AP1B1: variants seen among roughly 807,000 people sequenced by gnomAD.
AP1B1 encodes the protein adaptor related protein complex 1 subunit beta 1, also known as AP-1 complex subunit beta-1.
Under a neutral mutation model 104.3 loss-of-function variants are expected in AP1B1, and 36 were observed. That is an observed-to-expected ratio of 0.35 (90% CI 0.26 to 0.46). The LOEUF is 0.46. Ranked by LOEUF, AP1B1 falls within the 20% of genes least tolerant of loss-of-function variation. The pLI is 1.00. For missense variants in AP1B1, 901 were observed against 1,247.9 expected (o/e 0.72, Z 4.19); for synonymous variants, 504 against 517.5 (o/e 0.97, Z 0.35).
chr22:29,378,552 C>CAAAAAAAAAA (rs145933767), intron 1 of AP1B1, among the ~76,000 whole-genome samples: 1 of 48,484 alleles, frequency 2.1e-5, no homozygotes. Flanking sequence ...AACTCCGTAT[C>CAAAAAAAAAA]AAAAAAAAAA....
Position 29,344,110 on chromosome 22 carries a change from C to CAAAAAAAAAAA in AP1B1, c.1438-1738_1438-1728dup, listed in dbSNP as rs58337637. 7.1e-4 allele frequency among the ~76,000 whole-genome samples: 64 copies of CAAAAAAAAAAA among 89,724 alleles called. 2 individuals carry two copies. The highest frequency in any genetic ancestry group is 2.3e-3 in the African/African-American group (58 of 25,148). 58.9% of individuals were successfully genotyped at this position (89,724 alleles called of 152,430 possible). ...GGGGGACAAGGGCGAGACTTTGTCT[C>CAAAAAAAAAAA]AAAAAAAAAAAAAAAAAGTAAAGAA... On this transcript the variant is annotated intron_variant, in intron 11 of 22. Transcript: ENST00000357586.
intron 1 of AP1B1, among the ~76,000 whole-genome samples, chr22:29,373,945 C>G (rs2062288205): frequency 7.8e-6 from 1 of 127,664 alleles, no homozygotes; most frequent in Non-Finnish European, 1.6e-5. Context: ...CACCTGTAAT[C>G]CCAGCACTTT....
intron 11 of AP1B1, among the ~76,000 whole-genome samples, chr22:29,344,033 C>T (rs2061752397): frequency 6.6e-6 from 1 of 151,394 alleles, no homozygotes; most frequent in Admixed American, 6.6e-5. Flanking sequence ...TTGCTTGAAC[C>T]CGGGAGGCAG....
At chr22:29,339,166 G>A (rs368839326) in intron 15 of AP1B1, 33 bp from the exon 16 acceptor site, 83 of 1,613,436 alleles carry the variant, frequency 5.1e-5, no homozygotes, top group Non-Finnish European at 6.3e-5. Flanking sequence ...AGAGGTGGGC[G>A]TCAAGAGGCA....
At chr22:29,363,297 C>T (rs1192125615) in intron 2 of AP1B1, among the ~76,000 whole-genome samples, 191 bp from the exon 3 acceptor site, 1 of 152,128 alleles carries the variant, frequency 6.6e-6, no homozygotes, top group African/African-American at 2.4e-5. Context: ...CAGGAATTAA[C>T]AAGATGGAAA....
intron 4 of AP1B1, among the ~76,000 whole-genome samples, 193 bp from the exon 5 acceptor site, chr22:29,359,164 C>T (rs1226317712): frequency 2.6e-5 from 4 of 152,230 alleles, no homozygotes; most frequent in Admixed American, 2.0e-4. Context: ...GCTCTGCACA[C>T]CATCTCCTCT....
At chr22:29,388,290 G>A in intron 1 of AP1B1, 134 bp downstream of exon 1, 1 of 152,532 alleles carries the variant, frequency 6.6e-6, no homozygotes, top group Non-Finnish European at 1.5e-5. Flanking sequence ...TCCTCCTCTG[G>A]CTGGGGACGT....
At chr22:29,364,708 C>T (rs1238894587) in intron 2 of AP1B1, among the ~76,000 whole-genome samples, 1 of 151,100 alleles carries the variant, frequency 6.6e-6, no homozygotes, top group African/African-American at 2.4e-5. Flanking sequence ...GCCACCACGC[C>T]CGGCCATTTT....
At chr22:29,329,782 T>C (rs1352216408) in intron 21 of AP1B1, 62 bp from the exon 22 acceptor site, 1 of 1,609,164 alleles carries the variant, frequency 6.2e-7, no homozygotes, top group Non-Finnish European at 8.5e-7. Flanking sequence ...GAGACGGAAG[T>C]TACCACCACC....
At chr22:29,379,838 C>T (rs370062693) in intron 1 of AP1B1, among the ~76,000 whole-genome samples, 1 of 152,216 alleles carries the variant, frequency 6.6e-6, no homozygotes, top group Non-Finnish European at 1.5e-5. Flanking sequence ...TAAATCAACA[C>T]TAGCTGGGGA....
At chr22:29,333,433 C>A (rs2061591278) in intron 17 of AP1B1, among the ~76,000 whole-genome samples, 1 of 152,200 alleles carries the variant, frequency 6.6e-6, no homozygotes, top group African/African-American at 2.4e-5. Flanking sequence ...CACTCCCCAC[C>A]AGCCTTCTGA....
At chr22:29,363,416 G>A (rs1372480870) in intron 2 of AP1B1, among the ~76,000 whole-genome samples, 3 of 152,278 alleles carry the variant, frequency 2.0e-5, no homozygotes, top group South Asian at 2.1e-4. Context: ...TTGGGAGTCC[G>A]AGGCAGGCGG....
In AP1B1 at chr22:29,331,467, CA is replaced by C; in HGVS notation, c.2505del (p.Phe835LeufsTer66). 1 of 1,614,222 alleles carries C rather than the reference CA, an allele frequency of 6.2e-7. No individual in the cohort carries two copies. Among genetic ancestry groups the C allele is most frequent in the Non-Finnish European group, 8.5e-7 (1 of 1,180,036 alleles). ...GACTCACCCATCTTCCCGTCCTCCA[CA>C]AAGAGGATGTGCAGTGGGTACAAGG... ...FSTLYPLHILFVEDGKMDRQM... is the reference protein window; with the variant it reads ...FSTLYPLHILXVEDGKMDRQM... On this transcript the variant is annotated frameshift_variant, in exon 19 of 23. Coordinates refer to ENST00000357586, the MANE Select transcript of AP1B1 (RefSeq NM_001127.4). LOFTEE classifies it high-confidence loss of function.
At chr22:29,358,255 A>G (rs1189994273) in intron 5 of AP1B1, among the ~76,000 whole-genome samples, 1 of 152,196 alleles carries the variant, frequency 6.6e-6, no homozygotes, top group Non-Finnish European at 1.5e-5. Flanking sequence ...CTTCCAGGCT[A>G]TGCTACTTCA....
chr22:29,328,768 G>C lies in AP1B1; in HGVS notation c.*53C>G, dbSNP rs1041506646. The C allele has an allele frequency of 6.4e-7, 1 of 1,573,602 alleles. No individual in the cohort carries two copies. Among genetic ancestry groups the C allele is most frequent in the Non-Finnish European group, 8.6e-7 (1 of 1,162,960 alleles). On this transcript the variant is annotated 3_prime_UTR_variant, in exon 23 of 23. Coordinates refer to ENST00000357586, the MANE Select transcript of AP1B1 (RefSeq NM_001127.4). The surrounding 1 kb of genome is among the most constrained non-coding windows in gnomAD (Gnocchi z 4.1). ...GAGGAGGAAGATGTGCTGCCCCCGA[G>C]GGGCCTCCTCGATGGGGCGGGCAGA...
At position 29,340,856 on chromosome 22, in the gene AP1B1, T is replaced by C; in HGVS notation, c.1798A>G (p.Ser600Gly). Residue 600 changes from serine to glycine, a missense_variant and splice_region_variant, in exon 14 of 23, where the codon AGT becomes GGT. By Grantham distance (56) the Ser-to-Gly change is moderately conservative. Coordinates refer to ENST00000357586, the MANE Select transcript of AP1B1 (RefSeq NM_001127.4). ...GTCTCAGGGCTCTCTGCGCTCTCAC[T>C]CCTGCCGGGACACAGAAGTAGGGTG... is the stretch of plus-strand genomic sequence containing the variant. ...HKSLPPRTASSESAESPETAP... is the reference protein window; with the variant it reads ...HKSLPPRTASGESAESPETAP... 1 of 1,589,674 alleles carries C rather than the reference T, an allele frequency of 6.3e-7. No individual in the cohort carries two copies. Among genetic ancestry groups the C allele is most frequent in the African/African-American group, 1.3e-5 (1 of 74,824 alleles).
intron 22 of AP1B1, 123 bp from the exon 23 acceptor site, chr22:29,329,018 C>T: frequency 6.7e-7 from 1 of 1,484,848 alleles, no homozygotes; most frequent in Non-Finnish European, 8.9e-7. Flanking sequence ...AGCCTGGCGG[C>T]AGCTGCGCCT....
At chr22:29,385,608 C>T (rs979969523) in intron 1 of AP1B1, among the ~76,000 whole-genome samples, 1 of 152,156 alleles carries the variant, frequency 6.6e-6, no homozygotes, top group South Asian at 2.1e-4. Context: ...TAAGGATTCC[C>T]CAACTGCTCT....
Position 29,331,548 on chromosome 22 carries a change from G to A in AP1B1, c.2440-15C>T, listed in dbSNP as rs201768481. 54 of 1,614,078 alleles carry A rather than the reference G, an allele frequency of 3.3e-5. No individual in the cohort carries two copies. In the African/African-American group the frequency reaches 6.8e-4, roughly 20 times the overall value. ...TTCACGGCCACCTAGGCACAAGGGG[G>A]TCCCCAGTCAGTCTCTGGGGCTTGA... On this transcript the variant is annotated splice_polypyrimidine_tract_variant and intron_variant, in intron 18 of 22. Transcript: ENST00000357586.
Sources: allele counts gnomAD v4.1 joint callset (sites outside exome capture counted in the v4.1 genomes callset), GRCh38; gene constraint gnomAD v4.1.1; non-coding constraint Gnocchi (gnomAD v3.1); transcripts MANE v1.5; gene names NCBI Gene and HGNC (gene_info 2026-07-23, HGNC 2026-07-21).